The following ATXN7 variants were observed in gnomAD, a reference collection of about 807,000 sequenced individuals.
ATXN7 encodes the protein ataxin-7.
Under a neutral mutation model 70.5 loss-of-function variants are expected in ATXN7, and 12 were observed. The observed-to-expected ratio is 0.17, with a 90% CI of 0.11 to 0.28. The LOEUF is 0.28. ATXN7 is among the 10% of genes least tolerant of loss of function. ATXN7 has a pLI of 1.00. For synonymous variants in ATXN7, 498 were observed against 448.7 expected (o/e 1.11, Z -1.39); for missense variants, 1,256 against 1,131.7 (o/e 1.11, Z -1.58).
In ATXN7 at chr3:63,996,567, GGGTT is replaced by G. The variant is rs1339643505; in HGVS notation, c.2661+97_2661+100del. On this transcript the variant is annotated intron_variant, in intron 12 of 12. Transcript: ENST00000674280. ...TGTCAGCTCAGAAATGTGTTTGGTT[GGGTT>G]GGTTGGTTGGTTTGTAAACAGATAT... is the stretch of plus-strand genomic sequence containing the variant. 2.5e-5 allele frequency: 36 copies of G among 1,452,294 alleles called. No homozygotes were observed. In the Admixed American group the frequency reaches 3.1e-4, roughly 13 times the overall value. 90.0% of individuals were successfully genotyped at this position (1,452,294 alleles called of 1,614,324 possible).
intron 1 of ATXN7, among the ~76,000 whole-genome samples, chr3:63,882,385 C>CTT (rs1164256938): frequency 2.9e-3 from 380 of 128,818 alleles, no homozygotes; most frequent in African/African-American, 9.9e-3. Context: ...GCCTTTGATT[C>CTT]TTTTTTTTTT....
At chr3:63,973,560 C>T (rs562265879) in intron 5 of ATXN7, among the ~76,000 whole-genome samples, 13 of 152,244 alleles carry the variant, frequency 8.5e-5, no homozygotes, top group Admixed American at 4.6e-4. Context: ...CAGGGATGCC[C>T]GGCCAGTGAT....
intron 12 of ATXN7, chr3:63,998,289 T>C: frequency 3.0e-6 from 3 of 985,206 alleles, no homozygotes; most frequent in Non-Finnish European, 3.6e-6. Flanking sequence ...AGACATTTGT[T>C]ACCAGTTTTA....
chr3:63,983,069 T>TC, intron 8 of ATXN7, 48 bp downstream of exon 8: 1 of 1,423,946 alleles, frequency 7.0e-7, no homozygotes, highest in Non-Finnish European at 9.9e-7. Context: ...TAAACATGGG[T>TC]GACTGGGATG....
At chr3:63,987,745 A>G (rs968553614) in intron 8 of ATXN7, among the ~76,000 whole-genome samples, 1 of 152,142 alleles carries the variant, frequency 6.6e-6, no homozygotes, top group Non-Finnish European at 1.5e-5. Flanking sequence ...GTCACAAAAC[A>G]TGAGTACTTG....
chr3:63,897,988 C>A (rs751215844), intron 1 of ATXN7, among the ~76,000 whole-genome samples: 4 of 152,106 alleles, frequency 2.6e-5, no homozygotes, highest in Non-Finnish European at 5.9e-5. Context: ...TGATAAAGAA[C>A]GACAGCTTGA....
intron 4 of ATXN7, among the ~76,000 whole-genome samples, chr3:63,915,779 T>C (rs1216376860): frequency 6.6e-6 from 1 of 151,962 alleles, no homozygotes; most frequent in Non-Finnish European, 1.5e-5. Flanking sequence ...CTTCCTGGGT[T>C]CAAGCGATTC....
chr3:63,863,451 C>G (rs148334967), upstream of ATXN7: 11 of 1,137,348 alleles, frequency 9.7e-6, no homozygotes, highest in Middle Eastern at 3.7e-4. Flanking sequence ...CGCTTCTAGC[C>G]GTCTCGGCCA....
intron 4 of ATXN7, among the ~76,000 whole-genome samples, chr3:63,950,448 C>A (rs2074934603): frequency 6.6e-6 from 1 of 152,142 alleles, no homozygotes; most frequent in Non-Finnish European, 1.5e-5. Flanking sequence ...ACTGTTTTAA[C>A]TGCTATCTAA....
chr3:63,996,244 A>G lies in ATXN7; in HGVS notation c.2422A>G (p.Ile808Val). The G allele has an allele frequency of 1.9e-6, 3 of 1,614,192 alleles. No individual in the cohort carries two copies. The highest frequency in any genetic ancestry group is 2.5e-6 in the Non-Finnish European group (3 of 1,180,044). Residue 808 changes from isoleucine (I) to valine (V), a missense_variant, in exon 12 of 13, where the codon ATT (isoleucine) becomes GTT (valine). Coordinates refer to ENST00000674280, the MANE Select transcript of ATXN7 (RefSeq NM_001377405.1). ...SDSTLSLGPF[I>V]HQSNELPVNS... The stretch of plus-strand genomic sequence containing the variant: ...TTCTACTCTTTCTCTTGGGCCATTC[A>G]TTCACCAGTCCAATGAACTGCCTGT...
At chr3:63,986,462 G>T (rs1297197639) in intron 8 of ATXN7, among the ~76,000 whole-genome samples, 4 of 152,204 alleles carry the variant, frequency 2.6e-5, no homozygotes, top group Admixed American at 2.6e-4. Flanking sequence ...CATTCAAGCT[G>T]AGGAGAGGTT....
chr3:63,898,007 GATA>G (rs1481952801), intron 1 of ATXN7, among the ~76,000 whole-genome samples: 7 of 152,176 alleles, frequency 4.6e-5, no homozygotes, highest in African/African-American at 9.7e-5. Context: ...GAGCTCTCCA[GATA>G]ATAATCTCAT....
chr3:63,894,945 G>T (rs1180099208), intron 1 of ATXN7, among the ~76,000 whole-genome samples: 1 of 151,708 alleles, frequency 6.6e-6, no homozygotes, highest in Non-Finnish European at 1.5e-5. Flanking sequence ...TGTTTTTTTT[G>T]TTGTTGTTTT....
chr3:63,988,195 T>C lies in ATXN7; in HGVS notation c.1232T>C (p.Leu411Pro). The change falls in exon 9 of 13, where the codon CTC becomes CCC. Residue 411 changes from leucine to proline, a missense_variant. Physicochemically the swap from Leu to Pro is moderately conservative, Grantham distance 98. Transcript: ENST00000674280. ...HPDSQQPPQP[L>P]RDPHPAPPRT... ...GACTCTCAGCAACCACCGCAGCCTCTCAGGGACCCGCATCCCGCCCCTCCT... is the reference window on the plus strand; with the variant it reads ...GACTCTCAGCAACCACCGCAGCCTCCCAGGGACCCGCATCCCGCCCCTCCT... 1 of 1,613,964 alleles carries C rather than the reference T, an allele frequency of 6.2e-7. No homozygotes were observed. Among genetic ancestry groups the C allele is most frequent in the Non-Finnish European group, 8.5e-7 (1 of 1,179,960 alleles).
chr3:63,901,185 T>C (rs1413440246), intron 2 of ATXN7: 1 of 152,244 alleles, frequency 6.6e-6, no homozygotes. Flanking sequence ...TTTTAAAATA[T>C]GTATTCATTG....
chr3:63,935,377 C>T (rs1486616829), intron 4 of ATXN7, among the ~76,000 whole-genome samples: 2 of 152,052 alleles, frequency 1.3e-5, no homozygotes, highest in African/African-American at 4.8e-5. Flanking sequence ...AAGATGCCTA[C>T]TTTTCTCTTG....
intron 1 of ATXN7, among the ~76,000 whole-genome samples, chr3:63,875,074 C>T (rs1020510696): frequency 6.6e-6 from 1 of 152,106 alleles, no homozygotes; most frequent in Non-Finnish European, 1.5e-5. Flanking sequence ...GAAGGTCCCA[C>T]ATCCTATTAC....
chr3:63,933,520 A>G (rs770195907), intron 4 of ATXN7, among the ~76,000 whole-genome samples: 6 of 152,034 alleles, frequency 3.9e-5, no homozygotes, highest in Admixed American at 1.3e-4. Context: ...TTCTTCATGT[A>G]CTCTGCAAGC....
chr3:63,910,409 T>C (rs901450424), intron 2 of ATXN7, among the ~76,000 whole-genome samples: 1 of 152,224 alleles, frequency 6.6e-6, no homozygotes, highest in Non-Finnish European at 1.5e-5. Context: ...AAAATCCAAA[T>C]TTTCGTTTTT....
Sources: gnomAD v4.1 joint callset for allele counts (sites outside exome capture counted in the v4.1 genomes callset) on GRCh38, gnomAD v4.1.1 for gene constraint, MANE v1.5 for transcripts, NCBI Gene and HGNC (gene_info 2026-07-23, HGNC 2026-07-21) for gene names.